The following PDZRN3 variants were observed in gnomAD, a reference collection of about 807,000 sequenced individuals.
PDZRN3 encodes the protein PDZ domain containing ring finger 3.
A neutral mutation model predicts 85.7 loss-of-function variants in PDZRN3; 38 were observed. The ratio of observed to expected loss-of-function variants is 0.44; its 90% CI spans 0.34 to 0.58. The LOEUF is 0.58. Among genes scored for constraint, PDZRN3 ranks in the 20% least tolerant of loss-of-function variants. The pLI is 0.01. For synonymous variants in PDZRN3, 759 were observed against 638.0 expected, an observed-to-expected ratio of 1.19 and a Z score of -2.86; for missense variants, 1,629 against 1,506.4, an observed-to-expected ratio of 1.08 and a Z score of -1.35.
intron 5 of PDZRN3, among the ~76,000 whole-genome samples, chr3:73,393,484 G>A (rs560656370): frequency 1.3e-5 from 2 of 152,182 alleles, no homozygotes; most frequent in Non-Finnish European, 2.9e-5. Flanking sequence ...TAGCAGACTT[G>A]TCTCACTGGA....
At chr3:73,546,085 T>G (rs1398876874) in intron 3 of PDZRN3, among the ~76,000 whole-genome samples, 1 of 152,038 alleles carries the variant, frequency 6.6e-6, no homozygotes, top group Non-Finnish European at 1.5e-5. Context: ...GTATACTGTG[T>G]CCGCAGTATA....
At chr3:73,574,587 T>C (rs1358166561) in intron 3 of PDZRN3, among the ~76,000 whole-genome samples, 1 of 151,998 alleles carries the variant, frequency 6.6e-6, no homozygotes, top group Non-Finnish European at 1.5e-5. Context: ...GCCTCCCAAG[T>C]AGCTGGGATT....
chr3:73,502,753 C>CA (rs1704004860), intron 3 of PDZRN3, among the ~76,000 whole-genome samples: 1 of 152,168 alleles, frequency 6.6e-6, no homozygotes, highest in Admixed American at 6.5e-5. Flanking sequence ...CCCCAGAGGC[C>CA]AGGTATTTCT....
At chr3:73,540,278 G>A (rs1037478127) in intron 3 of PDZRN3, among the ~76,000 whole-genome samples, 2 of 151,962 alleles carry the variant, frequency 1.3e-5, no homozygotes, top group African/African-American at 4.8e-5. Context: ...TTATGAATGG[G>A]TATTTCACAT....
chr3:73,601,355 C>G (rs1702513093), intron 3 of PDZRN3, among the ~76,000 whole-genome samples: 1 of 152,166 alleles, frequency 6.6e-6, no homozygotes, highest in South Asian at 2.1e-4. Context: ...TCAGGAAATA[C>G]AGACATGATA....
rs573612273 is a variant in PDZRN3 at position 73,513,490 on chromosome 3, G to A, written c.918+88864C>T. On this transcript the variant is annotated intron_variant, in intron 3 of 9. Transcript: ENST00000263666. ...CCCTAGGTTAATGATTAACGTGCTGGACCCTGGCCAGTTAAGAAGTTGTTT... is the reference window on the plus strand; with the variant it reads ...CCCTAGGTTAATGATTAACGTGCTGAACCCTGGCCAGTTAAGAAGTTGTTT... 3.3e-5 allele frequency among the ~76,000 whole-genome samples: 5 copies of A among 152,290 alleles called. No homozygotes were observed. The South Asian group carries it at 8.3e-4, about 25-fold the overall frequency.
chr3:73,391,203 A>C, intron 5 of PDZRN3, 87 bp from the exon 6 acceptor site: 1 of 833,850 alleles, frequency 1.2e-6, no homozygotes, highest in South Asian at 1.4e-5. Flanking sequence ...ATTATCTTCA[A>C]ATGAGGAACT....
chr3:73,389,457 C>G (rs1277298577), intron 7 of PDZRN3, among the ~76,000 whole-genome samples: 1 of 152,148 alleles, frequency 6.6e-6, no homozygotes, highest in Non-Finnish European at 1.5e-5. Context: ...AAATCTAAAA[C>G]GAGAATTATT....
At chr3:73,552,461 C>G (rs1701586277) in intron 3 of PDZRN3, among the ~76,000 whole-genome samples, 1 of 152,084 alleles carries the variant, frequency 6.6e-6, no homozygotes, top group African/African-American at 2.4e-5. Context: ...TTCCTCATGA[C>G]CCTGTAAAAT....
At chr3:73,401,583 A>T (rs1701750525) in intron 4 of PDZRN3, among the ~76,000 whole-genome samples, 1 of 152,238 alleles carries the variant, frequency 6.6e-6, no homozygotes, top group Non-Finnish European at 1.5e-5. Flanking sequence ...ACATGTAGGC[A>T]TAAGTGCATC....
intron 3 of PDZRN3, among the ~76,000 whole-genome samples, chr3:73,551,571 C>T (rs1701554848): frequency 6.6e-6 from 1 of 151,690 alleles, no homozygotes; most frequent in South Asian, 2.1e-4. Context: ...TGCCTGTGGT[C>T]CCAGCTATTT....
intron 3 of PDZRN3, among the ~76,000 whole-genome samples, chr3:73,534,389 GTCTC>G: frequency 6.6e-6 from 1 of 152,256 alleles, no homozygotes; most frequent in East Asian, 1.9e-4. Flanking sequence ...GTTAAATTCC[GTCTC>G]TCTTTTTTTG....
At chr3:73,432,206 A>G (rs1451919873) in intron 3 of PDZRN3, among the ~76,000 whole-genome samples, 5 of 152,148 alleles carry the variant, frequency 3.3e-5, no homozygotes, top group Admixed American at 1.3e-4. Context: ...TCCCCAGCTC[A>G]CTGAGTGGGA....
rs183589189 is a variant in PDZRN3 at position 73,472,467 on chromosome 3, G to T, written c.919-68072C>A. On this transcript the variant is annotated intron_variant, in intron 3 of 9. Coordinates refer to ENST00000263666, the MANE Select transcript of PDZRN3 (RefSeq NM_015009.3). ...ATTGCTGTAACCCGTATATGCCCTCGGTCTGAAGCTTCTAATGACCTTTCT... is the reference window on the plus strand; with the variant it reads ...ATTGCTGTAACCCGTATATGCCCTCTGTCTGAAGCTTCTAATGACCTTTCT... 2.0e-5 allele frequency among the ~76,000 whole-genome samples: 3 copies of T among 152,210 alleles called. No homozygotes were observed. In the East Asian group the frequency reaches 5.8e-4, roughly 29 times the overall value.
chr3:73,619,513 C>A (rs1239761421), intron 1 of PDZRN3, among the ~76,000 whole-genome samples: 1 of 152,130 alleles, frequency 6.6e-6, no homozygotes, highest in Non-Finnish European at 1.5e-5. Flanking sequence ...ATAAGCAAAT[C>A]CTAAGTGCAG....
intron 3 of PDZRN3, among the ~76,000 whole-genome samples, chr3:73,507,920 C>T (rs1212121987): frequency 4.6e-5 from 7 of 152,086 alleles, no homozygotes; most frequent in Non-Finnish European, 8.8e-5. Context: ...TGGTAAAACC[C>T]CGTTTCTACT....
In PDZRN3 at chr3:73,383,918, T is replaced by A. The variant is rs1036052408; in HGVS notation, c.2648A>T (p.Tyr883Phe). 1 of 1,610,876 alleles carries A rather than the reference T, an allele frequency of 6.2e-7. No individual in the cohort carries two copies. Among genetic ancestry groups the A allele is most frequent in the Non-Finnish European group, 8.5e-7 (1 of 1,178,734 alleles). The change falls in exon 10 of 10, where the codon TAC (tyrosine) becomes TTC (phenylalanine). Residue 883 changes from tyrosine (Y) to phenylalanine (F), a missense_variant. Physicochemically the swap from Tyr to Phe is conservative, Grantham distance 22. Coordinates refer to ENST00000263666, the MANE Select transcript of PDZRN3 (RefSeq NM_015009.3). ...IPAHAQHYQSYMQLIQQKSAV... is the reference protein window; with the variant it reads ...IPAHAQHYQSFMQLIQQKSAV... ...CGACTTCTGCTGGATCAGCTGCATGTAGCTCTGGTAGTGCTGGGCGTGCGC... is the reference window on the plus strand; with the variant it reads ...CGACTTCTGCTGGATCAGCTGCATGAAGCTCTGGTAGTGCTGGGCGTGCGC...
rs370509971 is a variant in PDZRN3 at position 73,384,175 on chromosome 3, G to A, written c.2391C>T (p.Thr797=). 6.2e-7 allele frequency: 1 copy of A among 1,613,946 alleles called. No individual in the cohort carries two copies. The highest frequency in any genetic ancestry group is 2.2e-5 in the East Asian group (1 of 44,854). The change falls in exon 10 of 10, where the codon ACC becomes ACT. Residue 797 remains threonine, a synonymous_variant. Coordinates refer to ENST00000263666, the MANE Select transcript of PDZRN3 (RefSeq NM_015009.3). Reference sequence around the variant, plus strand: ...TGGAGGCTGGCCCGTAGGCTTCCGTGGTCCCCACAGCCCCTTCGCTGCTCG... The same window carrying A: ...TGGAGGCTGGCCCGTAGGCTTCCGTAGTCCCCACAGCCCCTTCGCTGCTCG... ...SCPSSEGAVG[T]TEAYGPASKN...
At chr3:73,533,821 A>T (rs1055277853) in intron 3 of PDZRN3, among the ~76,000 whole-genome samples, 2 of 151,984 alleles carry the variant, frequency 1.3e-5, no homozygotes, top group African/African-American at 4.8e-5. Context: ...TATCAGCCTC[A>T]TTTTCTCCCC....
Sources: allele counts gnomAD v4.1 joint callset (sites outside exome capture counted in the v4.1 genomes callset), GRCh38; gene constraint gnomAD v4.1.1; transcripts MANE v1.5; gene names NCBI Gene and HGNC (gene_info 2026-07-23, HGNC 2026-07-21).